The following TAS2R1 variants were observed in gnomAD, a reference collection of about 807,000 sequenced individuals.
The protein encoded by TAS2R1 is taste receptor type 2 member 1.
For missense variants in TAS2R1, 370 were observed against 353.4 expected (o/e 1.05, Z -0.38); for synonymous variants, 141 against 134.2 (o/e 1.05, Z -0.35).
the TAS2R1 span, among the ~76,000 whole-genome samples, chr5:9,824,862 AG>A: frequency 7.0e-6 from 1 of 142,982 alleles, no homozygotes. Flanking sequence ...AAAAAAAGGC[AG>A]GGGGGAAGAG....
At chr5:9,750,226 C>G in the TAS2R1 span, among the ~76,000 whole-genome samples, 1 of 152,126 alleles carries the variant, frequency 6.6e-6, no homozygotes, top group Non-Finnish European at 1.5e-5. Flanking sequence ...GTCTGCCTCC[C>G]TATCTCTTCC....
the TAS2R1 span, among the ~76,000 whole-genome samples, chr5:9,805,849 C>T: frequency 1.9e-3 from 294 of 152,054 alleles, 3 homozygotes; most frequent in East Asian, 0.024. Flanking sequence ...GACAAGGATA[C>T]CCAGGTTCAC....
chr5:9,891,697 T>C, the TAS2R1 span, among the ~76,000 whole-genome samples: 1 of 152,148 alleles, frequency 6.6e-6, no homozygotes, highest in Admixed American at 6.5e-5. Context: ...ATAACATGCC[T>C]CTCATTCTCT....
At chr5:9,814,037 T>C in the TAS2R1 span, among the ~76,000 whole-genome samples, 6 of 152,162 alleles carry the variant, frequency 3.9e-5, no homozygotes, top group African/African-American at 1.2e-4. Flanking sequence ...ACTCCACTAT[T>C]CTTTTCTTTC....
At chr5:9,844,906 A>G in the TAS2R1 span, among the ~76,000 whole-genome samples, 4 of 152,188 alleles carry the variant, frequency 2.6e-5, no homozygotes, top group Non-Finnish European at 5.9e-5. Context: ...TATTTACATG[A>G]TCAATGTCTT....
the TAS2R1 span, among the ~76,000 whole-genome samples, chr5:9,750,636 C>A: frequency 3.9e-5 from 6 of 152,284 alleles, no homozygotes; most frequent in East Asian, 1.2e-3. Flanking sequence ...GTCACTTTCT[C>A]ACTTTCATCA....
chr5:9,796,720 GGA>G, the TAS2R1 span, among the ~76,000 whole-genome samples: 19 of 77,308 alleles, frequency 2.5e-4, no homozygotes, highest in African/African-American at 7.4e-4. Context: ...GCTATTTTCT[GGA>G]AAAAAAAAAA....
At chr5:9,648,900 G>A (rs189458175) in intron 2 of TAS2R1, among the ~76,000 whole-genome samples, 47 of 152,188 alleles carry the variant, frequency 3.1e-4, no homozygotes, top group East Asian at 1.4e-3. Context: ...TTCTCATCTG[G>A]AAAGCCCCTC....
At chr5:9,735,106 G>A in the TAS2R1 span, among the ~76,000 whole-genome samples, 1 of 151,218 alleles carries the variant, frequency 6.6e-6, no homozygotes, top group Non-Finnish European at 1.5e-5. Context: ...CGAGCAAGGG[G>A]GAAGTGCCAC....
the TAS2R1 span, among the ~76,000 whole-genome samples, chr5:9,736,304 A>G: frequency 1.3e-5 from 2 of 152,298 alleles, no homozygotes; most frequent in Admixed American, 6.5e-5. Context: ...CACTGCAGCT[A>G]TGGTCTAGCA....
chr5:9,750,692 C>G, the TAS2R1 span, among the ~76,000 whole-genome samples: 4 of 152,142 alleles, frequency 2.6e-5, no homozygotes, highest in African/African-American at 9.7e-5. Context: ...CAGTGTGCTT[C>G]CAAACAGTTG....
At chr5:9,884,330 T>C in the TAS2R1 span, among the ~76,000 whole-genome samples, 35 of 151,486 alleles carry the variant, frequency 2.3e-4, no homozygotes, top group South Asian at 7.2e-3. Flanking sequence ...AAAAATTAGC[T>C]GGGTGTGGTG....
chr5:9,871,643 T>C, the TAS2R1 span, among the ~76,000 whole-genome samples: 1 of 152,162 alleles, frequency 6.6e-6, no homozygotes, highest in Middle Eastern at 3.2e-3. Context: ...CAGATTTTTC[T>C]CTCTTCATGC....
At chr5:9,823,513 G>GAGGGA in the TAS2R1 span, among the ~76,000 whole-genome samples, 8 of 144,470 alleles carry the variant, frequency 5.5e-5, no homozygotes, top group Admixed American at 2.8e-4. Flanking sequence ...AAGGGGAAGG[G>GAGGGA]AGGGAAGGGA....
At chr5:9,885,595 G>C in the TAS2R1 span, among the ~76,000 whole-genome samples, 1 of 152,122 alleles carries the variant, frequency 6.6e-6, no homozygotes, top group Non-Finnish European at 1.5e-5. Context: ...AGTCAGGGGG[G>C]AAAAAGAAGC....
In TAS2R1 at chr5:9,629,945, C is replaced by A. The variant is rs1006092804; in HGVS notation, c.88G>T (p.Val30Leu). ...TGCTTGATCAAGTCAATGCCATTCA[C>A]CACCACAATGATGCCATTTGTGAAA... Reference protein sequence around the residue: ...GIFTNGIIVVVNGIDLIKHRK... With the variant: ...GIFTNGIIVVLNGIDLIKHRK... The change falls in exon 1 of 1, where the codon GTG becomes TTG. Residue 30 changes from valine to leucine, a missense_variant. Transcript: ENST00000382492. The A allele has an allele frequency of 3.7e-6, 6 of 1,612,442 alleles. No homozygotes were observed. The African/African-American group carries it at 6.7e-5, about 18-fold the overall frequency.
At chr5:9,695,149 T>C (rs917259471) in intron 1 of TAS2R1, among the ~76,000 whole-genome samples, 11 of 152,200 alleles carry the variant, frequency 7.2e-5, no homozygotes, top group Non-Finnish European at 1.6e-4. Context: ...CAATCACTCA[T>C]GCCTAGTCCA....
Position 9,710,131 on chromosome 5 carries a change from G to A in TAS2R1, c.-242+2041C>T, listed in dbSNP as rs561927780. On this transcript the variant is annotated intron_variant, in intron 1 of 2. Transcript: ENST00000506620. ...CAGAACACCCAAGGCCTTGGCCAGA[G>A]GATTGGCTGTCTCCTTTACAAAGAG... Among the ~76,000 whole-genome samples, 27 of 152,374 alleles carry A rather than the reference G, an allele frequency of 1.8e-4. No homozygotes were observed. In the East Asian group the frequency reaches 4.6e-3, roughly 26 times the overall value.
chr5:9,770,005 GGA>G, the TAS2R1 span, among the ~76,000 whole-genome samples: 4 of 152,062 alleles, frequency 2.6e-5, no homozygotes, highest in East Asian at 7.7e-4. Context: ...CCAATGTCCT[GGA>G]GAGTTTCCCC....
Sources: allele counts gnomAD v4.1 joint callset (sites outside exome capture counted in the v4.1 genomes callset), GRCh38; gene constraint gnomAD v4.1.1; transcripts MANE v1.5; gene names NCBI Gene and HGNC (gene_info 2026-07-23, HGNC 2026-07-21).